The following OTOGL variants were observed in gnomAD, a reference collection of about 807,000 sequenced individuals.
OTOGL encodes the protein otogelin-like protein.
In OTOGL, 285 loss-of-function variants were observed where a neutral mutation model predicts 318.5. The ratio of observed to expected loss-of-function variants is 0.89; its 90% CI spans 0.81 to 0.99. The LOEUF (loss-of-function observed/expected upper bound fraction) is 0.99, where lower values mean the gene tolerates loss of function less well. Ranked by LOEUF, OTOGL falls within the 50% of genes least tolerant of loss-of-function variation. The pLI is 0.00. For synonymous variants in OTOGL, 987 were observed against 936.5 expected, an observed-to-expected ratio of 1.05 and a Z score of -0.99; for missense variants, 2,899 against 2,845.6, an observed-to-expected ratio of 1.02 and a Z score of -0.43.
chr12:80,125,737 A>G (rs1870788215), intron 1 of OTOGL, among the ~76,000 whole-genome samples: 1 of 152,024 alleles, frequency 6.6e-6, no homozygotes, highest in South Asian at 2.1e-4. Context: ...GTCTATTCAG[A>G]GATTCAACTT....
At chr12:80,273,842 T>C (rs990364205) in intron 24 of OTOGL, among the ~76,000 whole-genome samples, 1 of 152,116 alleles carries the variant, frequency 6.6e-6, no homozygotes, top group African/African-American at 2.4e-5. Flanking sequence ...ATTTTTGCAA[T>C]ATTTCAGAAC....
intron 18 of OTOGL, among the ~76,000 whole-genome samples, chr12:80,259,735 G>A (rs561511467): frequency 6.6e-6 from 1 of 152,106 alleles, no homozygotes; most frequent in Non-Finnish European, 1.5e-5. Flanking sequence ...TGGCTGCATA[G>A]TACCACATTT....
At chr12:80,254,334 A>G (rs936178983) in intron 14 of OTOGL, among the ~76,000 whole-genome samples, 190 bp from the exon 15 acceptor site, 1 of 150,258 alleles carries the variant, frequency 6.7e-6, no homozygotes, top group African/African-American at 2.4e-5. Context: ...GAACTTATGC[A>G]GAGATGATTT....
chr12:80,261,938 C>T, intron 18 of OTOGL, 31 bp from the exon 19 acceptor site: 5 of 1,602,416 alleles, frequency 3.1e-6, no homozygotes, highest in Non-Finnish European at 4.3e-6. Flanking sequence ...ATGAGAGATA[C>T]ATGAAGATGA....
chr12:80,225,220 C>T (rs1399119612), intron 7 of OTOGL, among the ~76,000 whole-genome samples: 1 of 152,030 alleles, frequency 6.6e-6, no homozygotes, highest in Non-Finnish European at 1.5e-5. Context: ...GTTCTCAGTT[C>T]TCTCATTGTC....
At chr12:80,342,816 A>C (rs971194128) in intron 44 of OTOGL, among the ~76,000 whole-genome samples, 1 of 152,182 alleles carries the variant, frequency 6.6e-6, no homozygotes, top group African/African-American at 2.4e-5. Context: ...AGATACATTA[A>C]AGTGTACATT....
chr12:80,158,342 G>A (rs898068940), intron 1 of OTOGL, among the ~76,000 whole-genome samples: 4 of 151,996 alleles, frequency 2.6e-5, no homozygotes, highest in Non-Finnish European at 5.9e-5. Context: ...GGGATGTTAT[G>A]TCATAAATGA....
chr12:80,233,016 T>A lies in OTOGL; in HGVS notation c.736T>A (p.Ser246Thr), dbSNP rs373038831. 2.5e-6 allele frequency: 4 copies of A among 1,598,626 alleles called. No homozygotes were observed. In the African/African-American group the frequency reaches 5.3e-5, roughly 21 times the overall value. Reference sequence around the variant, plus strand: ...GATATCTGGGATCTACCTCAAGCTGTCTGAGGACCATAAGGGGAAATCATG... The same window carrying A: ...GATATCTGGGATCTACCTCAAGCTGACTGAGGACCATAAGGGGAAATCATG... Reference protein sequence around the residue: ...DGISGIYLKLSEDHKGKSCGL... With the variant: ...DGISGIYLKLTEDHKGKSCGL... The change falls in exon 9 of 59, where the codon TCT (serine) becomes ACT (threonine). Residue 246 changes from serine to threonine, a missense_variant. This residue lies in a region of OTOGL where 2,607 missense variants were observed against 2,524.9 expected (regional missense o/e 1.03). Coordinates refer to ENST00000547103, the MANE Select transcript of OTOGL (RefSeq NM_001378609.3).
Position 80,323,765 on chromosome 12 carries a change from G to T in OTOGL, c.4124G>T (p.Arg1375Ile). Residue 1375 changes from arginine to isoleucine, a missense_variant, in exon 35 of 59, where the codon AGA (arginine) becomes ATA (isoleucine). Coordinates refer to ENST00000547103, the MANE Select transcript of OTOGL (RefSeq NM_001378609.3). Reference protein sequence around the residue: ...AVPYRKMCEWRYEPCATPCFK... With the variant: ...AVPYRKMCEWIYEPCATPCFK... ...CCTTACAGGAAGATGTGTGAATGGA[G>T]ATATGAACCTTGTGCTACACCCTGT... 6.2e-7 allele frequency: 1 copy of T among 1,613,952 alleles called. No homozygotes were observed. The highest frequency in any genetic ancestry group is 1.7e-5 in the Admixed American group (1 of 60,022).
intron 1 of OTOGL, among the ~76,000 whole-genome samples, chr12:80,164,475 T>G (rs930725784): frequency 6.6e-6 from 1 of 152,168 alleles, no homozygotes; most frequent in African/African-American, 2.4e-5. Context: ...TATTGTAGTT[T>G]GTGTTTTACT....
chr12:80,342,402 A>G (rs935596219), intron 44 of OTOGL, among the ~76,000 whole-genome samples: 5 of 152,170 alleles, frequency 3.3e-5, no homozygotes, highest in Non-Finnish European at 4.4e-5. Flanking sequence ...CAGAAAAAAA[A>G]TGAAAGTTTG....
chr12:80,306,175 A>C (rs1049321423), intron 29 of OTOGL, among the ~76,000 whole-genome samples: 4 of 152,210 alleles, frequency 2.6e-5, no homozygotes, highest in Non-Finnish European at 1.5e-5. Flanking sequence ...GATTGTGGTC[A>C]ACTACCTTTG....
At chr12:80,246,568 T>A (rs1880914045) in intron 11 of OTOGL, among the ~76,000 whole-genome samples, 1 of 89,326 alleles carries the variant, frequency 1.1e-5, no homozygotes, top group Admixed American at 1.2e-4. Context: ...GGTTTGCCAG[T>A]ATTTTATTGA....
At chr12:80,153,368 C>T (rs933813126) in intron 1 of OTOGL, among the ~76,000 whole-genome samples, 1 of 152,092 alleles carries the variant, frequency 6.6e-6, no homozygotes, top group African/African-American at 2.4e-5. Context: ...ACCTAATCAC[C>T]CCCTCAAAGG....
At chr12:80,142,670 C>A (rs780103942) in intron 1 of OTOGL, among the ~76,000 whole-genome samples, 1 of 152,114 alleles carries the variant, frequency 6.6e-6, no homozygotes, top group Non-Finnish European at 1.5e-5. Context: ...TTTGACGGCC[C>A]CTTAACACTG....
intron 8 of OTOGL, among the ~76,000 whole-genome samples, chr12:80,230,470 A>G (rs768049244): frequency 4.6e-5 from 7 of 152,234 alleles, no homozygotes; most frequent in African/African-American, 7.2e-5. Flanking sequence ...GATTCTCTAT[A>G]TGGAATTTTG....
chr12:80,249,719 T>C (rs1881311507), intron 11 of OTOGL, among the ~76,000 whole-genome samples: 1 of 152,140 alleles, frequency 6.6e-6, no homozygotes, highest in Non-Finnish European at 1.5e-5. Context: ...GGCTGCTTTG[T>C]TTACCTAAGG....
At chr12:80,270,257 C>A in intron 23 of OTOGL, 103 bp downstream of exon 23, 1 of 924,156 alleles carries the variant, frequency 1.1e-6, no homozygotes, top group Non-Finnish European at 1.7e-6. Context: ...ATGTGCATGG[C>A]TATAGCCTTG....
At chr12:80,376,026 C>T (rs900220508) in intron 57 of OTOGL, among the ~76,000 whole-genome samples, 1 of 151,702 alleles carries the variant, frequency 6.6e-6, no homozygotes, top group Non-Finnish European at 1.5e-5. Flanking sequence ...GTGTGTTGTG[C>T]ACATGTACCC....
Sources: allele counts gnomAD v4.1 joint callset (sites outside exome capture counted in the v4.1 genomes callset), GRCh38; gene constraint gnomAD v4.1.1; regional missense constraint gnomAD v4.1.1; transcripts MANE v1.5; gene names NCBI Gene and HGNC (gene_info 2026-07-23, HGNC 2026-07-21).